SCNN1B: variants seen among roughly 807,000 people sequenced by gnomAD.
SCNN1B encodes epithelial sodium channel subunit beta.
In SCNN1B, 46 loss-of-function variants were observed where a neutral mutation model predicts 65.3. The observed-to-expected ratio is 0.70, with a 90% CI of 0.56 to 0.90. The LOEUF (loss-of-function observed/expected upper bound fraction) is 0.90, where lower values mean the gene tolerates loss of function less well. Among genes scored for constraint, SCNN1B ranks in the 40% least tolerant of loss-of-function variants. The pLI, the probability that SCNN1B is intolerant of heterozygous loss-of-function variation, is 0.00. For synonymous variants in SCNN1B, 349 were observed against 330.6 expected (o/e 1.06, Z -0.60); for missense variants, 751 against 830.5 (o/e 0.90, Z 1.18).
chr16:23,318,327 G>A (rs889151243), intron 1 of SCNN1B, among the ~76,000 whole-genome samples: 2 of 152,124 alleles, frequency 1.3e-5, no homozygotes, highest in African/African-American at 2.4e-5. Context: ...ACTAATATGC[G>A]GCCAGGCACA....
In SCNN1B at chr16:23,306,439, T is replaced by C. The variant is rs539103368; in HGVS notation, c.-9+4002T>C. On this transcript the variant is annotated intron_variant, in intron 1 of 12. Transcript: ENST00000343070. ...ACTGTCTAACCATTGCTGATGCTGA[T>C]GCTGATAATGGTGGTGTTATCAGCA... Among the ~76,000 whole-genome samples the C allele has an allele frequency of 7.2e-4, 110 of 152,296 alleles. 1 individual carries two copies. Among genetic ancestry groups the C allele is most frequent in the Admixed American group, 7.1e-3 (109 of 15,298 alleles).
chr16:23,379,823 G>A (rs927702345), intron 11 of SCNN1B, among the ~76,000 whole-genome samples: 4 of 152,178 alleles, frequency 2.6e-5, no homozygotes, highest in Non-Finnish European at 5.9e-5. Context: ...TGCCCAGAAG[G>A]GCCGGGAAGG....
chr16:23,351,078 T>C (rs1962299763), intron 2 of SCNN1B, among the ~76,000 whole-genome samples: 1 of 152,140 alleles, frequency 6.6e-6, no homozygotes. Context: ...GCATCTCTGT[T>C]TTTAAAAGTC....
chr16:23,368,445 G>A (rs1052275585), intron 5 of SCNN1B, among the ~76,000 whole-genome samples: 12 of 152,182 alleles, frequency 7.9e-5, no homozygotes, highest in Admixed American at 6.5e-4. Flanking sequence ...AGGAGGCTGA[G>A]GCAGGAAGAT....
In SCNN1B at chr16:23,378,730, C is replaced by T; in HGVS notation, c.1429C>T (p.Gln477Ter). 6.2e-7 allele frequency: 1 copy of T among 1,614,154 alleles called. No homozygotes were observed. Among genetic ancestry groups the T allele is most frequent in the Non-Finnish European group, 8.5e-7 (1 of 1,180,028 alleles). Residue 477 changes from glutamine (Q) to a stop codon, truncating the protein, a stop_gained, in exon 11 of 13, where the codon CAG (glutamine) becomes TAG (stop). Transcript: ENST00000343070. LOFTEE classifies it high-confidence loss of function. ...SEDWIFHVLS[Q>*]ERDQSTNITL... ...GGACTGGATTTTCCACGTCTTGTCTCAGGAGCGGGACCAAAGCACCAATAT... is the reference window on the plus strand; with the variant it reads ...GGACTGGATTTTCCACGTCTTGTCTTAGGAGCGGGACCAAAGCACCAATAT...
intron 1 of SCNN1B, among the ~76,000 whole-genome samples, chr16:23,343,507 G>GAAGGAAGGAAGGAAGA (rs1962101300): frequency 1.4e-5 from 1 of 69,484 alleles, no homozygotes; most frequent in African/African-American, 5.4e-5. Flanking sequence ...AGGAAGGAAG[G>GAAGGAAGGAAGGAAGA]AAAAGGAAGG....
chr16:23,370,296 A>G (rs571863210), intron 5 of SCNN1B, among the ~76,000 whole-genome samples: 4,691 of 152,106 alleles, frequency 0.031, 242 homozygotes, highest in African/African-American at 0.11. Context: ...AGTAGAGACG[A>G]GGTTTCACCA....
At chr16:23,286,925 T>C (rs1960858133) in intron 2 of SCNN1B, among the ~76,000 whole-genome samples, 1 of 152,104 alleles carries the variant, frequency 6.6e-6, no homozygotes, top group East Asian at 1.9e-4. Context: ...AGCCCGTCTC[T>C]ATTAAAAGTA....
chr16:23,318,095 G>C (rs1206883713), intron 1 of SCNN1B, among the ~76,000 whole-genome samples: 2 of 152,228 alleles, frequency 1.3e-5, no homozygotes. Context: ...TTCTGGAGAA[G>C]ATTGTGTCTG....
intron 2 of SCNN1B, among the ~76,000 whole-genome samples, chr16:23,350,517 A>G (rs1366765542): frequency 6.6e-6 from 1 of 152,206 alleles, no homozygotes; most frequent in African/African-American, 2.4e-5. Flanking sequence ...TATGGTGAAG[A>G]GAGTGCCCCC....
Position 23,348,774 on chromosome 16 carries a change from TTCGCCGCCC to T in SCNN1B, c.179_187del (p.Ala60_Leu62del). On this transcript the variant is annotated inframe_deletion, in exon 2 of 13. Transcript: ENST00000343070. This position sits in a 1 kb window ranked among gnomAD's most constrained non-coding sequence, Gnocchi z 4.5. ...CATGTGGTTCCTGCTCACCCTGCTC[TTCGCCGCCC>T]TCGTCTGCTGGCAGTGGGGCATCTT... 6.2e-7 allele frequency: 1 copy of T among 1,614,168 alleles called. No individual in the cohort carries two copies. The highest frequency in any genetic ancestry group is 2.2e-5 in the East Asian group (1 of 44,872).
chr16:23,357,106 A>G (rs1567309851), intron 4 of SCNN1B, among the ~76,000 whole-genome samples: 1 of 152,162 alleles, frequency 6.6e-6, no homozygotes, highest in Non-Finnish European at 1.5e-5. Flanking sequence ...GGGGCCTCCA[A>G]TGCTCACACT....
At chr16:23,354,777 C>T (rs1310574848) in intron 3 of SCNN1B, among the ~76,000 whole-genome samples, 4 of 151,984 alleles carry the variant, frequency 2.6e-5, no homozygotes, top group Non-Finnish European at 5.9e-5. Flanking sequence ...ATATGGGGTT[C>T]GGGGCTAGGA....
Position 23,352,834 on chromosome 16 carries a change from G to A in SCNN1B, c.345G>A (p.Leu115=), listed in dbSNP as rs375022065. The A allele has an allele frequency of 2.5e-6, 4 of 1,614,170 alleles. No individual in the cohort carries two copies. In the African/African-American group the frequency reaches 5.3e-5, roughly 22 times the overall value. ...YSKIKHLLKD[L]DELMEAVLER... ...AAATCAAGCATTTGCTGAAGGACCT[G>A]GATGAGCTGATGGAAGCTGTCCTGG... Residue 115 remains leucine, a synonymous_variant, in exon 3 of 13, where the codon CTG becomes CTA. Coordinates refer to ENST00000343070, the MANE Select transcript of SCNN1B (RefSeq NM_000336.3).
Position 23,375,769 on chromosome 16 carries a change from T to C in SCNN1B, c.1184T>C (p.Met395Thr), listed in dbSNP as rs778645725. The change falls in exon 8 of 13, where the codon ATG becomes ACG. Residue 395 changes from methionine to threonine, a missense_variant. Physicochemically the swap from Met to Thr is moderately conservative, Grantham distance 81. Coordinates refer to ENST00000343070, the MANE Select transcript of SCNN1B (RefSeq NM_000336.3). Reference sequence around the variant, plus strand: ...CTTCGCTCCTGCTTCCAAGACCACATGATCCGTAACTGCAACTGTGGCCAC... The same window carrying C: ...CTTCGCTCCTGCTTCCAAGACCACACGATCCGTAACTGCAACTGTGGCCAC... The part of the protein sequence containing the change: ...ACLRSCFQDH[M>T]IRNCNCGHYL... The C allele has an allele frequency of 6.2e-7, 1 of 1,614,086 alleles. No homozygotes were observed. The highest frequency in any genetic ancestry group is 8.5e-7 in the Non-Finnish European group (1 of 1,179,956).
At chr16:23,330,244 T>C (rs976935069) in intron 1 of SCNN1B, among the ~76,000 whole-genome samples, 2 of 152,174 alleles carry the variant, frequency 1.3e-5, no homozygotes, top group Non-Finnish European at 2.9e-5. Flanking sequence ...TTCCAGCTCT[T>C]GTCCGGCATC....
chr16:23,326,750 G>A (rs557506208), intron 1 of SCNN1B, among the ~76,000 whole-genome samples: 3 of 152,078 alleles, frequency 2.0e-5, no homozygotes, highest in Non-Finnish European at 1.5e-5. Context: ...TTACAGGTGT[G>A]AGCCACCACA....
At chr16:23,281,197 C>T (rs1224141701) in intron 1 of SCNN1B, among the ~76,000 whole-genome samples, 1 of 152,162 alleles carries the variant, frequency 6.6e-6, no homozygotes, top group Non-Finnish European at 1.5e-5. Context: ...CTTTGGGAGG[C>T]CAAAGTGGGT....
At chr16:23,285,847 G>A (rs1567284221) in intron 2 of SCNN1B, among the ~76,000 whole-genome samples, 2 of 152,070 alleles carry the variant, frequency 1.3e-5, no homozygotes, top group Non-Finnish European at 2.9e-5. Flanking sequence ...GGTAGTGCAT[G>A]CCTATAATCC....
Sources: allele counts gnomAD v4.1 joint callset (sites outside exome capture counted in the v4.1 genomes callset), GRCh38; gene constraint gnomAD v4.1.1; non-coding constraint Gnocchi (gnomAD v3.1); transcripts MANE v1.5; gene names NCBI Gene and HGNC (gene_info 2026-07-23, HGNC 2026-07-21).